Variants in ACTR3C observed in about 807,000 individuals in gnomAD.
ACTR3C encodes the protein actin-related protein 3C.
ACTR3C carries 18 observed loss-of-function variants against 26.3 expected under a neutral mutation model. The observed-to-expected ratio is 0.68, with a 90% confidence interval of 0.47 to 1.01. ACTR3C has a LOEUF of 1.01. Among genes scored for constraint, ACTR3C ranks in the 50% least tolerant of loss-of-function variants. ACTR3C has a pLI of 0.00. For missense variants in ACTR3C, 184 were observed against 250.7 expected, an observed-to-expected ratio of 0.73 and a Z score of 1.80; for synonymous variants, 55 against 94.5, an observed-to-expected ratio of 0.58 and a Z score of 2.42.
chr7:150,077,938 A>G, the ACTR3C span, among the ~76,000 whole-genome samples: 3 of 152,198 alleles, frequency 2.0e-5, no homozygotes, highest in East Asian at 5.8e-4. Context: ...ATACAAAGTC[A>G]TGATGAACTG....
chr7:150,210,720 T>C, the ACTR3C span, among the ~76,000 whole-genome samples: 1 of 149,708 alleles, frequency 6.7e-6, no homozygotes, highest in Non-Finnish European at 1.5e-5. Context: ...TCCTTACGGA[T>C]GGAAAAAGGT....
the ACTR3C span, among the ~76,000 whole-genome samples, chr7:150,212,809 C>T: frequency 6.2e-3 from 941 of 152,046 alleles, 9 homozygotes; most frequent in African/African-American, 0.022. Flanking sequence ...AGATGAACCA[C>T]AAAACAGCCT....
chr7:150,158,255 T>C, the ACTR3C span, among the ~76,000 whole-genome samples: 1 of 151,968 alleles, frequency 6.6e-6, no homozygotes, highest in African/African-American at 2.4e-5. Context: ...CGGCAAATTG[T>C]TATAGTCATT....
the ACTR3C span, among the ~76,000 whole-genome samples, chr7:150,063,956 G>T: frequency 6.6e-6 from 1 of 151,910 alleles, no homozygotes; most frequent in African/African-American, 2.4e-5. Flanking sequence ...CAAAGCGGCA[G>T]TTTTGCTTGG....
At chr7:150,305,144 C>A (rs181688502) in intron 1 of ACTR3C, among the ~76,000 whole-genome samples, 1 of 152,228 alleles carries the variant, frequency 6.6e-6, no homozygotes, top group East Asian at 1.9e-4. Flanking sequence ...GTCAACCACC[C>A]CAGCTGGTGC....
chr7:150,169,192 T>C, the ACTR3C span, among the ~76,000 whole-genome samples: 9 of 149,862 alleles, frequency 6.0e-5, no homozygotes, highest in South Asian at 2.1e-4. Flanking sequence ...CCATCCTGGC[T>C]AACATGGTGA....
At chr7:150,012,062 G>A in the ACTR3C span, among the ~76,000 whole-genome samples, 1 of 152,096 alleles carries the variant, frequency 6.6e-6, no homozygotes, top group African/African-American at 2.4e-5. Flanking sequence ...GTATTCTTTG[G>A]GATGGAAAAG....
intron 1 of ACTR3C, among the ~76,000 whole-genome samples, chr7:150,318,380 G>A (rs1289475777): frequency 2.6e-5 from 4 of 152,178 alleles, no homozygotes; most frequent in African/African-American, 9.7e-5. Context: ...CCAGAACCGT[G>A]AGACAATACA....
At chr7:149,910,768 A>C in the ACTR3C span, among the ~76,000 whole-genome samples, 1 of 146,670 alleles carries the variant, frequency 6.8e-6, no homozygotes, top group Non-Finnish European at 1.5e-5. Context: ...TTAATTTTAC[A>C]ATTTTTAAGT....
At chr7:150,050,441 C>T in the ACTR3C span, among the ~76,000 whole-genome samples, 1 of 152,202 alleles carries the variant, frequency 6.6e-6, no homozygotes. Flanking sequence ...TATAATCTAA[C>T]CAAAGTTTAA....
chr7:150,031,009 C>G, the ACTR3C span, among the ~76,000 whole-genome samples: 1 of 152,120 alleles, frequency 6.6e-6, no homozygotes, highest in Admixed American at 6.5e-5. Flanking sequence ...GTAATCCCAA[C>G]ACTTTGGGAG....
At chr7:150,192,916 C>T in the ACTR3C span, among the ~76,000 whole-genome samples, 37 of 152,218 alleles carry the variant, frequency 2.4e-4, no homozygotes, top group African/African-American at 8.7e-4. Context: ...TTGTCTTGCA[C>T]ACAGACATTT....
At chr7:150,061,545 A>T in the ACTR3C span, among the ~76,000 whole-genome samples, 1 of 48,028 alleles carries the variant, frequency 2.1e-5, no homozygotes. Context: ...AAAAGATTCT[A>T]CTTTGGGGTA....
chr7:150,053,402 A>C, the ACTR3C span, among the ~76,000 whole-genome samples: 1 of 152,222 alleles, frequency 6.6e-6, no homozygotes, highest in East Asian at 1.9e-4. Flanking sequence ...GAGTCTCTGC[A>C]CTTCAGTGCT....
chr7:149,911,652 A>T, the ACTR3C span, among the ~76,000 whole-genome samples: 1 of 148,760 alleles, frequency 6.7e-6, no homozygotes, highest in East Asian at 2.0e-4. Flanking sequence ...GCAGTGGCCT[A>T]TGTGTAATGG....
At chr7:150,191,691 G>T in the ACTR3C span, among the ~76,000 whole-genome samples, 1 of 151,960 alleles carries the variant, frequency 6.6e-6, no homozygotes, top group Admixed American at 6.6e-5. Flanking sequence ...CAAATTTTGA[G>T]GCCTTTATTT....
At chr7:150,282,475 G>A (rs1835426191) in intron 6 of ACTR3C, among the ~76,000 whole-genome samples, 1 of 147,182 alleles carries the variant, frequency 6.8e-6, no homozygotes, top group Non-Finnish European at 1.5e-5. Context: ...TGTGACAAAC[G>A]AGAAAGCATG....
chr7:150,238,415 T>A, the ACTR3C span, among the ~76,000 whole-genome samples: 2 of 127,452 alleles, frequency 1.6e-5, no homozygotes, highest in Non-Finnish European at 3.1e-5. Context: ...AGGTTGTAAA[T>A]CCCAGGAGTA....
At chr7:150,246,751 A>G (rs1057422343), downstream of ACTR3C, 6 of 152,146 alleles carry the variant, frequency 3.9e-5, no homozygotes, top group Non-Finnish European at 8.8e-5. Flanking sequence ...GAATGCAAAT[A>G]CCACAAAATT....
Sources: allele counts gnomAD v4.1 joint callset (sites outside exome capture counted in the v4.1 genomes callset), GRCh38; gene constraint gnomAD v4.1.1; transcripts MANE v1.5; gene names NCBI Gene and HGNC (gene_info 2026-07-23, HGNC 2026-07-21).